The following SH3D19 variants were observed in gnomAD, a reference collection of about 807,000 sequenced individuals.
The protein encoded by SH3D19 is SH3 domain containing 19, also known as SH3 domain-containing protein 19.
A neutral mutation model predicts 112.1 loss-of-function variants in SH3D19; 58 were observed. The observed-to-expected ratio is 0.52, with a 90% CI of 0.42 to 0.64. SH3D19 has a LOEUF of 0.64. SH3D19 is among the 30% of genes least tolerant of loss of function. The probability of loss-of-function intolerance (pLI) is 0.00; values close to 1 mark genes in which losing one functional copy is unlikely to be tolerated. For missense variants in SH3D19, 1,090 were observed against 1,263.4 expected (o/e 0.86, Z 2.08); for synonymous variants, 391 against 448.5 (o/e 0.87, Z 1.62).
intron 2 of SH3D19, among the ~76,000 whole-genome samples, chr4:151,189,082 T>A (rs1762228699): frequency 6.6e-6 from 1 of 152,130 alleles, no homozygotes; most frequent in Admixed American, 6.5e-5. Flanking sequence ...TCCAAGACTG[T>A]GAGACAGTAA....
intron 11 of SH3D19, among the ~76,000 whole-genome samples, chr4:151,145,381 T>C (rs150487216): frequency 4.3e-4 from 65 of 152,308 alleles, no homozygotes; most frequent in African/African-American, 1.4e-3. Flanking sequence ...TGATTTGTTC[T>C]TGCCCCACCC....
intron 8 of SH3D19, among the ~76,000 whole-genome samples, chr4:151,165,125 T>C (rs758363100): frequency 2.6e-5 from 4 of 152,166 alleles, no homozygotes; most frequent in Non-Finnish European, 5.9e-5. Flanking sequence ...AAAGACAACA[T>C]TAAAGAAAAA....
chr4:151,218,503 C>G (rs971122615), intron 2 of SH3D19, among the ~76,000 whole-genome samples: 12 of 151,918 alleles, frequency 7.9e-5, no homozygotes, highest in African/African-American at 2.9e-4. Flanking sequence ...TCACCAAACT[C>G]CTGGGATCAA....
Position 151,240,471 on chromosome 4 carries a change from C to G in SH3D19, c.113-14385G>C, listed in dbSNP as rs114604400. On this transcript the variant is annotated intron_variant, in intron 1 of 19. Coordinates refer to ENST00000604030, the MANE Select transcript of SH3D19 (RefSeq NM_001378122.1). ...CTACGTGTTTCATAAGCAGAAGGTA[C>G]TGCACATGAGGCTTAATTTCTCAGT... 8.6e-3 allele frequency among the ~76,000 whole-genome samples: 1,305 copies of G among 151,508 alleles called. 45 individuals are homozygous for G. Among genetic ancestry groups the G allele is most frequent in the African/African-American group, 0.03 (1,246 of 41,166 alleles).
At chr4:151,232,933 C>T (rs1199625273) in intron 1 of SH3D19, among the ~76,000 whole-genome samples, 1 of 152,190 alleles carries the variant, frequency 6.6e-6, no homozygotes, top group Admixed American at 6.5e-5. Context: ...GGTCCCCAAC[C>T]CCTCTGCCAT....
At chr4:151,223,664 C>G (rs746856646) in intron 2 of SH3D19, among the ~76,000 whole-genome samples, 2 of 152,184 alleles carry the variant, frequency 1.3e-5, no homozygotes, top group Non-Finnish European at 2.9e-5. Context: ...ATGCACTTCC[C>G]CAAACTTTCA....
At chr4:151,142,487 C>T (rs1295219763) in intron 12 of SH3D19, among the ~76,000 whole-genome samples, 1 of 152,008 alleles carries the variant, frequency 6.6e-6, no homozygotes, top group Non-Finnish European at 1.5e-5. Context: ...AATCTGTCAA[C>T]TCTGAAGACA....
chr4:151,229,032 T>TA (rs1455517329), intron 1 of SH3D19, among the ~76,000 whole-genome samples: 1 of 99,252 alleles, frequency 1.0e-5, no homozygotes, highest in African/African-American at 3.1e-5. Context: ...CCTAGCTAAT[T>TA]AAATTTTTTT....
Position 151,321,024 on chromosome 4 carries a change from G to C in SH3D19, c.112+4217C>G, listed in dbSNP as rs540541601. ...CCACAGCACTCCAGCCTGGGCAACA[G>C]AGCAAGACTCTGTCTCAAAACAAAC... is the stretch of plus-strand genomic sequence containing the variant. On this transcript the variant is annotated intron_variant, in intron 1 of 19. Coordinates refer to ENST00000604030, the MANE Select transcript of SH3D19 (RefSeq NM_001378122.1). Among the ~76,000 whole-genome samples, 3 of 152,306 alleles carry C rather than the reference G, an allele frequency of 2.0e-5. No homozygotes were observed. In the South Asian group the frequency reaches 6.2e-4, roughly 32 times the overall value.
Position 151,188,234 on chromosome 4 carries a change from G to A in SH3D19, c.153-771C>T, listed in dbSNP as rs1288313308. 2.0e-5 allele frequency among the ~76,000 whole-genome samples: 3 copies of A among 152,158 alleles called. No homozygotes were observed. The East Asian group carries it at 5.8e-4, about 29-fold the overall frequency. Reference sequence around the variant, plus strand: ...ACAATACTATTGTGTTATACAGAGGGAAAGATTAAGCTCTAGGAGGTCTCT... The same window carrying A: ...ACAATACTATTGTGTTATACAGAGGAAAAGATTAAGCTCTAGGAGGTCTCT... On this transcript the variant is annotated intron_variant, in intron 2 of 19. Transcript: ENST00000604030.
In SH3D19 at chr4:151,186,497, A is replaced by G. The variant is rs1275341346; in HGVS notation, c.193+926T>C. ...TGCCCAGGCTGGAGTGCAGTGGCAC[A>G]ATCTTGGCTCACTGCAACCTCCACC... On this transcript the variant is annotated intron_variant, in intron 3 of 19. Coordinates refer to ENST00000604030, the MANE Select transcript of SH3D19 (RefSeq NM_001378122.1). Among the ~76,000 whole-genome samples the G allele has an allele frequency of 4.6e-5, 7 of 150,844 alleles. No homozygotes were observed. The East Asian group carries it at 7.9e-4, about 17-fold the overall frequency.
chr4:151,175,929 G>A (rs1230005054), intron 6 of SH3D19, among the ~76,000 whole-genome samples: 3 of 151,574 alleles, frequency 2.0e-5, no homozygotes, highest in African/African-American at 7.3e-5. Flanking sequence ...GGTGTACAGT[G>A]GCTCTAACAC....
chr4:151,271,408 A>G (rs1452883143), intron 1 of SH3D19, among the ~76,000 whole-genome samples: 1 of 152,252 alleles, frequency 6.6e-6, no homozygotes, highest in Non-Finnish European at 1.5e-5. Flanking sequence ...CAGGGTGCTC[A>G]AAAGAAGACT....
intron 1 of SH3D19, among the ~76,000 whole-genome samples, chr4:151,257,854 T>C (rs1339355823): frequency 6.6e-6 from 1 of 152,116 alleles, no homozygotes; most frequent in Non-Finnish European, 1.5e-5. Flanking sequence ...GGCTGCAGTA[T>C]GCTACGATCA....
chr4:151,261,706 T>C (rs974760028), intron 1 of SH3D19, among the ~76,000 whole-genome samples: 18 of 152,258 alleles, frequency 1.2e-4, no homozygotes, highest in African/African-American at 4.1e-4. Context: ...TCTTCTGCTA[T>C]AATCTCTTTG....
intron 9 of SH3D19, among the ~76,000 whole-genome samples, chr4:151,156,135 G>A (rs1299759716): frequency 1.3e-5 from 2 of 152,012 alleles, no homozygotes; most frequent in East Asian, 3.8e-4. Context: ...CCTCTACAAG[G>A]AAAACTACAA....
chr4:151,149,332 C>T (rs1754510610), intron 10 of SH3D19, among the ~76,000 whole-genome samples, 168 bp downstream of exon 10: 1 of 152,162 alleles, frequency 6.6e-6, no homozygotes, highest in African/African-American at 2.4e-5. Flanking sequence ...GAGATTCCCA[C>T]AACCTACCAT....
chr4:151,130,770 T>C (rs546832407), intron 17 of SH3D19, among the ~76,000 whole-genome samples: 242 of 152,196 alleles, frequency 1.6e-3, no homozygotes, highest in Non-Finnish European at 2.6e-3. Flanking sequence ...TAAAACCCCG[T>C]TTCTGCTAAA....
chr4:151,201,248 T>C, intron 2 of SH3D19, among the ~76,000 whole-genome samples: 1 of 152,192 alleles, frequency 6.6e-6, no homozygotes, highest in East Asian at 1.9e-4. Flanking sequence ...TAGATGCCAT[T>C]ACAGGGCTGA....
Sources: allele counts gnomAD v4.1 joint callset (sites outside exome capture counted in the v4.1 genomes callset), GRCh38; gene constraint gnomAD v4.1.1; transcripts MANE v1.5; gene names NCBI Gene and HGNC (gene_info 2026-07-23, HGNC 2026-07-21).